The following DTNB variants were observed in gnomAD, a reference collection of about 807,000 sequenced individuals.
The protein encoded by DTNB is dystrobrevin beta.
A neutral mutation model predicts 90.7 loss-of-function variants in DTNB; 63 were observed. That is an observed-to-expected ratio of 0.69 (90% CI 0.57 to 0.86). DTNB has a LOEUF of 0.86. Ranked by LOEUF, DTNB falls within the 40% of genes least tolerant of loss-of-function variation. The pLI, the probability that DTNB is intolerant of heterozygous loss-of-function variation, is 0.00. For synonymous variants in DTNB, 277 were observed against 286.7 expected, an observed-to-expected ratio of 0.97 and a Z score of 0.34; for missense variants, 744 against 807.1, an observed-to-expected ratio of 0.92 and a Z score of 0.95.
intron 14 of DTNB, among the ~76,000 whole-genome samples, chr2:25,430,919 C>T (rs1013636065): frequency 6.6e-5 from 10 of 152,174 alleles, no homozygotes; most frequent in African/African-American, 2.4e-4. Flanking sequence ...GAAGAAAAGG[C>T]ATCCCTGGTG....
At chr2:25,558,146 T>C in intron 8 of DTNB, 1 of 952,380 alleles carries the variant, frequency 1.0e-6, no homozygotes, top group South Asian at 4.9e-5. Context: ...GCACATTTCA[T>C]AGCTAGACAT....
At chr2:25,472,234 G>T (rs1422575272) in intron 10 of DTNB, among the ~76,000 whole-genome samples, 4 of 152,200 alleles carry the variant, frequency 2.6e-5, no homozygotes, top group Admixed American at 6.5e-5. Flanking sequence ...GCTCACAGAA[G>T]ATCACATAAT....
At chr2:25,663,089 T>G (rs2083601719) in intron 1 of DTNB, among the ~76,000 whole-genome samples, 2 of 146,518 alleles carry the variant, frequency 1.4e-5, no homozygotes, top group South Asian at 2.4e-4. Flanking sequence ...CAGGCCCCTG[T>G]GTGTGTTGTT....
intron 9 of DTNB, among the ~76,000 whole-genome samples, chr2:25,519,628 C>T (rs2075786629): frequency 6.6e-6 from 1 of 152,140 alleles, no homozygotes; most frequent in African/African-American, 2.4e-5. Flanking sequence ...CAAAAATCTA[C>T]AGTCTGAGAT....
intron 1 of DTNB, chr2:25,652,884 A>C: frequency 4.7e-6 from 2 of 428,124 alleles, no homozygotes; most frequent in Non-Finnish European, 8.2e-6. Flanking sequence ...GTATGAGCTC[A>C]TACACTTGCT....
intron 4 of DTNB, among the ~76,000 whole-genome samples, chr2:25,621,214 T>C (rs977047413): frequency 6.6e-6 from 1 of 152,190 alleles, no homozygotes; most frequent in African/African-American, 2.4e-5. Context: ...TACAGTTTTG[T>C]TTAAAAATCA....
At chr2:25,423,023 C>T (rs1215396895) in intron 15 of DTNB, among the ~76,000 whole-genome samples, 1 of 152,054 alleles carries the variant, frequency 6.6e-6, no homozygotes, top group African/African-American at 2.4e-5. Flanking sequence ...TGAAACCCGT[C>T]TACTAAAAAT....
intron 1 of DTNB, among the ~76,000 whole-genome samples, chr2:25,653,791 C>T (rs895983170): frequency 1.3e-5 from 2 of 152,086 alleles, no homozygotes; most frequent in African/African-American, 4.8e-5. Context: ...AGATTACAGG[C>T]ATGAGCCACC....
intron 3 of DTNB, among the ~76,000 whole-genome samples, chr2:25,638,056 G>GT (rs1444572592): frequency 6.6e-6 from 1 of 152,216 alleles, no homozygotes; most frequent in Non-Finnish European, 1.5e-5. Context: ...CATGTCCTTT[G>GT]TAGGGACATG....
intron 16 of DTNB, among the ~76,000 whole-genome samples, chr2:25,398,179 T>C (rs900931222): frequency 6.6e-6 from 1 of 152,240 alleles, no homozygotes; most frequent in Non-Finnish European, 1.5e-5. Flanking sequence ...TCTAAAGCTC[T>C]AGTATCTGGA....
chr2:25,378,908 G>C (rs1020824294), intron 20 of DTNB, among the ~76,000 whole-genome samples: 32 of 152,200 alleles, frequency 2.1e-4, no homozygotes, highest in African/African-American at 7.7e-4. Flanking sequence ...GCTGTGGTTT[G>C]GATCCCAGGA....
At position 25,434,618 on chromosome 2, in the gene DTNB, GTTA is replaced by G. The variant is rs752171890; in HGVS notation, c.1258-626_1258-624del. Among the ~76,000 whole-genome samples the G allele has an allele frequency of 4.6e-5, 7 of 151,784 alleles. No homozygotes were observed. In the South Asian group the frequency reaches 1.3e-3, roughly 27 times the overall value. ...AGTATTCTATTGTTTCCAGCTTTTGGTTATTATCTATTGTTTCCAGCTTTTGGT... is the reference window on the plus strand; with the variant it reads ...AGTATTCTATTGTTTCCAGCTTTTGGTTATCTATTGTTTCCAGCTTTTGGT... On this transcript the variant is annotated intron_variant, in intron 12 of 20. Coordinates refer to ENST00000406818, the MANE Select transcript of DTNB (RefSeq NM_021907.5).
chr2:25,536,189 G>A (rs189884586), intron 8 of DTNB, among the ~76,000 whole-genome samples: 1,928 of 146,690 alleles, frequency 0.013, 14 homozygotes, highest in Non-Finnish European at 0.021. Flanking sequence ...ATGGGGTGGC[G>A]GCCGGGCAGA....
At chr2:25,412,277 T>C (rs1015789945) in intron 16 of DTNB, among the ~76,000 whole-genome samples, 6 of 152,130 alleles carry the variant, frequency 3.9e-5, no homozygotes, top group Non-Finnish European at 8.8e-5. Flanking sequence ...TTGGTATAGC[T>C]GTAGGTGGGT....
At chr2:25,397,036 C>T (rs1047301828) in intron 16 of DTNB, among the ~76,000 whole-genome samples, 1 of 151,792 alleles carries the variant, frequency 6.6e-6, no homozygotes, top group Non-Finnish European at 1.5e-5. Context: ...ATACCACCCC[C>T]ACACCCCCAC....
intron 15 of DTNB, chr2:25,421,057 G>C (rs1260220209): frequency 1.7e-4 from 26 of 152,070 alleles, no homozygotes; most frequent in Admixed American, 1.7e-3. Flanking sequence ...GCTGTGCAAT[G>C]GTTCTATTTA....
intron 9 of DTNB, among the ~76,000 whole-genome samples, chr2:25,486,023 G>A (rs2066035578): frequency 6.6e-6 from 1 of 152,136 alleles, no homozygotes; most frequent in South Asian, 2.1e-4. Flanking sequence ...TTGGGAGGTT[G>A]AGGCAGGAGA....
At chr2:25,449,441 C>A (rs2058937786) in intron 12 of DTNB, among the ~76,000 whole-genome samples, 1 of 152,194 alleles carries the variant, frequency 6.6e-6, no homozygotes, top group African/African-American at 2.4e-5. Context: ...ATAGGCCCGC[C>A]AACAACAGGG....
intron 1 of DTNB, among the ~76,000 whole-genome samples, chr2:25,672,549 G>A (rs2086263341): frequency 6.6e-6 from 1 of 152,062 alleles, no homozygotes; most frequent in South Asian, 2.1e-4. Flanking sequence ...TTCTCCCATA[G>A]GCTTCTTTTG....
Sources: allele counts gnomAD v4.1 joint callset (sites outside exome capture counted in the v4.1 genomes callset), GRCh38; gene constraint gnomAD v4.1.1; transcripts MANE v1.5; gene names NCBI Gene and HGNC (gene_info 2026-07-23, HGNC 2026-07-21).